TTC14: variants seen among roughly 807,000 people sequenced by gnomAD.
The protein encoded by TTC14 is tetratricopeptide repeat domain 14, also known as tetratricopeptide repeat protein 14.
Under a neutral mutation model 79.9 loss-of-function variants are expected in TTC14, and 63 were observed. The observed-to-expected ratio is 0.79, with a 90% CI of 0.64 to 0.97. TTC14 has a LOEUF of 0.97. Among genes scored for constraint, TTC14 ranks in the 50% least tolerant of loss-of-function variants. The pLI, the probability that TTC14 is intolerant of heterozygous loss-of-function variation, is 0.00. For missense variants in TTC14, 895 were observed against 894.0 expected (o/e 1.00, Z -0.01); for synonymous variants, 335 against 309.6 (o/e 1.08, Z -0.86).
At position 180,610,348 on chromosome 3, in the gene TTC14, ACAAAT is replaced by A; in HGVS notation, c.2123_2127del (p.Asn708ArgfsTer4). ...ACATGAGCAAAGATACCGTTTAAAT[ACAAAT>A]CAAGGAGAATATGAAAGAGAGGACA... is the stretch of plus-strand genomic sequence containing the variant. On this transcript the variant is annotated frameshift_variant, in exon 12 of 12. Transcript: ENST00000296015. LOFTEE classifies it high-confidence loss of function. 7 of 1,613,112 alleles carry A rather than the reference ACAAAT, an allele frequency of 4.3e-6. No homozygotes were observed. Among genetic ancestry groups the A allele is most frequent in the Non-Finnish European group, 5.9e-6 (7 of 1,179,724 alleles).
downstream of TTC14, chr3:180,614,822 T>C: frequency 8.9e-7 from 1 of 1,122,222 alleles, no homozygotes; most frequent in East Asian, 2.7e-5. Flanking sequence ...CCACTAAGTT[T>C]TTACACTTTC....
chr3:180,609,430 A>G (rs1382255290), intron 11 of TTC14, 200 bp from the exon 12 acceptor site: 30 of 1,282,930 alleles, frequency 2.3e-5, no homozygotes, highest in Middle Eastern at 3.0e-4. Flanking sequence ...TTTGCTTACA[A>G]TGATACCTGT....
Position 180,609,754 on chromosome 3 carries a change from C to A in TTC14, c.1525C>A (p.Arg509Ser), listed in dbSNP as rs575420162. Residue 509 changes from arginine to serine, a missense_variant, in exon 12 of 12, where the codon CGT becomes AGT. Arg to Ser is a moderately radical substitution (Grantham distance 110). Coordinates refer to ENST00000296015, the MANE Select transcript of TTC14 (RefSeq NM_133462.4). ...HKRHKKHKRN[R>S]SESSRSSRRH... is the part of the protein sequence containing the mutation. The stretch of plus-strand genomic sequence containing the variant: ...AAGGCATAAGAAACATAAGAGGAAC[C>A]GTTCAGAGTCTTCTCGCAGTTCCAG... The A allele has an allele frequency of 2.2e-4, 361 of 1,613,880 alleles. 8 individuals carry two copies. The South Asian group carries it at 3.6e-3, about 16-fold the overall frequency.
chr3:180,616,554 T>C lies in TTC14; in HGVS notation c.1775-826T>C, dbSNP rs201963508. 1.8e-4 allele frequency: 281 copies of C among 1,593,646 alleles called. 1 individual carries two copies. The highest frequency in any genetic ancestry group is 2.2e-4 in the Non-Finnish European group (263 of 1,170,220). Reference sequence around the variant, plus strand: ...GTTTGAAGGATAATACGGATCTCAGTATTTTCTTCTATGATATCAACTAAC... The same window carrying C: ...GTTTGAAGGATAATACGGATCTCAGCATTTTCTTCTATGATATCAACTAAC... On this transcript the variant is annotated intron_variant, in intron 12 of 12. Transcript: ENST00000382584.
At chr3:180,607,829 T>C in intron 10 of TTC14, 64 bp downstream of exon 10, 1 of 1,588,148 alleles carries the variant, frequency 6.3e-7, no homozygotes, top group Non-Finnish European at 8.5e-7. Flanking sequence ...CTTAATTTTC[T>C]CCTGAGGAAA....
chr3:180,610,560 C>T lies in TTC14; in HGVS notation c.*18C>T. 6.5e-7 allele frequency: 1 copy of T among 1,533,514 alleles called. No individual in the cohort carries two copies. The highest frequency in any genetic ancestry group is 2.2e-5 in the Admixed American group (1 of 44,606). The allele number at this position is 1,533,514 out of a possible 1,614,324, so 95.0% of individuals were successfully genotyped here. Reference sequence around the variant, plus strand: ...AAAATTAATACACCAAGGATATCGGCACCATTACACAAAATGCCATTAAGT... The same window carrying T: ...AAAATTAATACACCAAGGATATCGGTACCATTACACAAAATGCCATTAAGT... On this transcript the variant is annotated 3_prime_UTR_variant, in exon 12 of 12. Coordinates refer to ENST00000296015, the MANE Select transcript of TTC14 (RefSeq NM_133462.4).
downstream of TTC14, among the ~76,000 whole-genome samples, chr3:180,611,726 C>T (rs1371056187): frequency 4.6e-5 from 7 of 152,156 alleles, no homozygotes; most frequent in African/African-American, 2.4e-5. Context: ...GTTTAAGATT[C>T]TCAAAGCTGT....
At chr3:180,609,607 G>T in intron 11 of TTC14, 23 bp from the exon 12 acceptor site, 1 of 1,517,824 alleles carries the variant, frequency 6.6e-7, no homozygotes, top group South Asian at 1.4e-5. Flanking sequence ...GTATATATAT[G>T]ACAAATGAAC....
intron 11 of TTC14, chr3:180,609,103 C>G: frequency 2.3e-6 from 2 of 864,056 alleles, no homozygotes; most frequent in East Asian, 2.0e-4. Flanking sequence ...TGGTTCTCAA[C>G]TAGGGGTGGA....
chr3:180,602,288 G>C lies in TTC14; in HGVS notation c.27G>C (p.Ser9=). The part of the protein sequence containing the change: MDRDLLRQ[S]LNCHGSSLLS... ...TGGACCGGGACCTTTTGCGGCAGTC[G>C]CTAAATTGCCACGGGTCGTCTTTGC... is the stretch of plus-strand genomic sequence containing the variant. The change falls in exon 1 of 12, where the codon TCG becomes TCC. Residue 9 remains serine, a synonymous_variant. Coordinates refer to ENST00000296015, the MANE Select transcript of TTC14 (RefSeq NM_133462.4). The C allele has an allele frequency of 6.2e-7, 1 of 1,613,940 alleles. No homozygotes were observed. Among genetic ancestry groups the C allele is most frequent in the East Asian group, 2.2e-5 (1 of 44,872 alleles).
At position 180,604,277 on chromosome 3, in the gene TTC14, T is replaced by C; in HGVS notation, c.539T>C (p.Leu180Ser). The change falls in exon 4 of 12, where the codon TTA (leucine) becomes TCA (serine). Residue 180 changes from leucine to serine, a missense_variant. By Grantham distance (145) the Leu-to-Ser change is moderately radical. Coordinates refer to ENST00000296015, the MANE Select transcript of TTC14 (RefSeq NM_133462.4). ...TCTCACAGTAACCATGGGGATCCTT[T>C]ATCATATTACCAAACTGGTGACATC... Reference protein sequence around the residue: ...VPSHSNHGDPLSYYQTGDIIR... With the variant: ...VPSHSNHGDPSSYYQTGDIIR... 1.2e-6 allele frequency: 2 copies of C among 1,613,614 alleles called. No homozygotes were observed. The highest frequency in any genetic ancestry group is 1.7e-6 in the Non-Finnish European group (2 of 1,179,762).
In TTC14 at chr3:180,611,017, A is replaced by G. The variant is rs966531764; in HGVS notation, c.*475A>G. 3.2e-6 allele frequency: 3 copies of G among 928,098 alleles called. No individual in the cohort carries two copies. The highest frequency in any genetic ancestry group is 3.9e-6 in the Non-Finnish European group (3 of 777,908). 57.5% of individuals were successfully genotyped at this position (928,098 alleles called of 1,614,324 possible). On this transcript the variant is annotated 3_prime_UTR_variant, in exon 12 of 12. Transcript: ENST00000296015. ...TTTCTTGAACACTTTTATATTTATC[A>G]GTTTAAATATTACATTTTTTGCCCA...
chr3:180,603,465 T>C, intron 3 of TTC14, 142 bp downstream of exon 3: 2 of 749,388 alleles, frequency 2.7e-6, no homozygotes, highest in Non-Finnish European at 4.3e-6. Context: ...GAAAAATAGT[T>C]TAAAAAAATT....
Position 180,609,742 on chromosome 3 carries a change from C to T in TTC14, c.1513C>T (p.His505Tyr), listed in dbSNP as rs146810036. 2.1e-3 allele frequency: 3,460 copies of T among 1,613,830 alleles called. 4 individuals are homozygous for T. The highest frequency in any genetic ancestry group is 2.7e-3 in the Non-Finnish European group (3,138 of 1,179,884). The stretch of plus-strand genomic sequence containing the variant: ...TTCTGGTCACAAAAGGCATAAGAAA[C>T]ATAAGAGGAACCGTTCAGAGTCTTC... ...SSSGHKRHKK[H>Y]KRNRSESSRS... The change falls in exon 12 of 12, where the codon CAT (histidine) becomes TAT (tyrosine). Residue 505 changes from histidine to tyrosine, a missense_variant. His to Tyr is a moderately conservative substitution (Grantham distance 83). Coordinates refer to ENST00000296015, the MANE Select transcript of TTC14 (RefSeq NM_133462.4).
chr3:180,611,762 TCACA>T (rs1717003422), downstream of TTC14, among the ~76,000 whole-genome samples: 1 of 152,192 alleles, frequency 6.6e-6, no homozygotes, highest in Non-Finnish European at 1.5e-5. Flanking sequence ...TTAGATACTG[TCACA>T]CACAATGACA....
chr3:180,606,712 G>C, intron 9 of TTC14, 109 bp downstream of exon 9: 1 of 1,257,722 alleles, frequency 8.0e-7, no homozygotes, highest in Non-Finnish European at 1.1e-6. Context: ...TAACACTCTT[G>C]GTTTCAATAA....
chr3:180,607,693 G>A lies in TTC14; in HGVS notation c.1218G>A (p.Lys406=), dbSNP rs1385824122. ...EKFLNAESYY[K]KALALDETFK... is the part of the protein sequence containing the mutation. Reference sequence around the variant, plus strand: ...TTTTAAATGCTGAAAGTTACTATAAGAAAGCTTTGGCTTTGGATGAGACTT... The same window carrying A: ...TTTTAAATGCTGAAAGTTACTATAAAAAAGCTTTGGCTTTGGATGAGACTT... The change falls in exon 10 of 12, where the codon AAG becomes AAA. Residue 406 remains lysine, a synonymous_variant. Coordinates refer to ENST00000296015, the MANE Select transcript of TTC14 (RefSeq NM_133462.4). 1 of 1,611,248 alleles carries A rather than the reference G, an allele frequency of 6.2e-7. No individual in the cohort carries two copies. Among genetic ancestry groups the A allele is most frequent in the South Asian group, 1.1e-5 (1 of 90,368 alleles).
chr3:180,610,536 AAATT>A lies in TTC14; in HGVS notation c.2311_*1del. The A allele has an allele frequency of 6.4e-7, 1 of 1,565,624 alleles. No homozygotes were observed. Among genetic ancestry groups the A allele is most frequent in the South Asian group, 1.2e-5 (1 of 81,174 alleles). Reference sequence around the variant, plus strand: ...AAAAAGAAAAAGGAAATAAGTCAAAAAATTAATACACCAAGGATATCGGCACCAT... The same window carrying A: ...AAAAAGAAAAAGGAAATAAGTCAAAAAATACACCAAGGATATCGGCACCAT... On this transcript the variant is annotated frameshift_variant and stop_lost, in exon 12 of 12. Transcript: ENST00000296015. LOFTEE classifies it high-confidence loss of function.
In TTC14 at chr3:180,609,958, T is replaced by G; in HGVS notation, c.1729T>G (p.Cys577Gly). 6.2e-7 allele frequency: 1 copy of G among 1,614,052 alleles called. No individual in the cohort carries two copies. Among genetic ancestry groups the G allele is most frequent in the Non-Finnish European group, 8.5e-7 (1 of 1,179,946 alleles). The change falls in exon 12 of 12, where the codon TGC becomes GGC. Residue 577 changes from cysteine (C) to glycine (G), a missense_variant. Coordinates refer to ENST00000296015, the MANE Select transcript of TTC14 (RefSeq NM_133462.4). ...GACACAGATAAAAGAGAAAGATAGA[T>G]GCCCTCTCTCTTCATCTTCACTTGA... ...EKTQIKEKDR[C>G]PLSSSSLEIP...
Sources: gnomAD v4.1 joint callset for allele counts (sites outside exome capture counted in the v4.1 genomes callset) on GRCh38, gnomAD v4.1.1 for gene constraint, MANE v1.5 for transcripts, NCBI Gene and HGNC (gene_info 2026-07-23, HGNC 2026-07-21) for gene names.